The following ANXA4 variants were observed in gnomAD, a reference collection of about 807,000 sequenced individuals.
The protein encoded by ANXA4 is 35-beta calcimedin.
In ANXA4, 39 loss-of-function variants were observed where a neutral mutation model predicts 49.8. That is an observed-to-expected ratio of 0.78 (90% confidence interval 0.61 to 1.02). ANXA4 has a LOEUF of 1.02. Ranked by LOEUF, ANXA4 falls within the 50% of genes least tolerant of loss-of-function variation. The pLI is 0.00. For synonymous variants in ANXA4, 134 were observed against 152.5 expected (o/e 0.88, Z 0.89); for missense variants, 360 against 410.1 (o/e 0.88, Z 1.05).
At chr2:69,645,234 G>A (rs548018306) in intron 1 of ANXA4, among the ~76,000 whole-genome samples, 17 of 152,334 alleles carry the variant, frequency 1.1e-4, no homozygotes, top group Admixed American at 2.6e-4. Flanking sequence ...GTTTCAAGTA[G>A]TGCCATTGTA....
At chr2:69,686,994 G>C (rs544651128) in intron 2 of ANXA4, among the ~76,000 whole-genome samples, 3 of 152,242 alleles carry the variant, frequency 2.0e-5, no homozygotes, top group African/African-American at 7.2e-5. Context: ...TCAGAGCAGA[G>C]GATGGCAGAG....
intron 2 of ANXA4, among the ~76,000 whole-genome samples, chr2:69,782,247 A>G (rs1672229778): frequency 6.6e-6 from 1 of 152,158 alleles, no homozygotes; most frequent in Non-Finnish European, 1.5e-5. Context: ...GCAATAATAG[A>G]AGTAGAAATC....
intron 12 of ANXA4, among the ~76,000 whole-genome samples, chr2:69,821,144 G>C (rs955385458): frequency 2.0e-5 from 3 of 152,198 alleles, no homozygotes; most frequent in Non-Finnish European, 4.4e-5. Flanking sequence ...CAGAGTCCTA[G>C]GCAGGGGCCA....
At chr2:69,793,473 A>G (rs1000738476) in intron 3 of ANXA4, among the ~76,000 whole-genome samples, 9 of 152,122 alleles carry the variant, frequency 5.9e-5, no homozygotes, top group Admixed American at 6.5e-5. Flanking sequence ...TTCTTAGGCC[A>G]ATTAATTAGA....
chr2:69,661,018 G>A (rs4337497), intron 2 of ANXA4, among the ~76,000 whole-genome samples: 2 of 151,798 alleles, frequency 1.3e-5, no homozygotes, highest in Non-Finnish European at 2.9e-5. Context: ...ACATACAGAC[G>A]GACTTAAGAA....
chr2:69,790,196 A>C (rs188570342), intron 3 of ANXA4, among the ~76,000 whole-genome samples: 7 of 152,202 alleles, frequency 4.6e-5, no homozygotes. Context: ...TTTACCCTAA[A>C]TGTCTACCTA....
At chr2:69,776,038 A>G (rs1559176950) in intron 1 of ANXA4, among the ~76,000 whole-genome samples, 1 of 151,546 alleles carries the variant, frequency 6.6e-6, no homozygotes. Flanking sequence ...CAGTGGTGCA[A>G]TCTTGGTTCA....
At chr2:69,665,430 G>A (rs1478429702) in intron 2 of ANXA4, among the ~76,000 whole-genome samples, 5 of 152,098 alleles carry the variant, frequency 3.3e-5, no homozygotes, top group Non-Finnish European at 7.4e-5. Context: ...CCACCTAGCT[G>A]AGTCCAGTCA....
At chr2:69,669,845 A>G (rs1195441234) in intron 2 of ANXA4, among the ~76,000 whole-genome samples, 1 of 152,034 alleles carries the variant, frequency 6.6e-6, no homozygotes, top group Non-Finnish European at 1.5e-5. Flanking sequence ...GGCACATCTA[A>G]TACTTCTCCC....
At chr2:69,660,888 A>G (rs1190345589) in intron 2 of ANXA4, among the ~76,000 whole-genome samples, 1 of 152,018 alleles carries the variant, frequency 6.6e-6, no homozygotes, top group Non-Finnish European at 1.5e-5. Context: ...GAGGGGGAAG[A>G]TGACAATGGC....
intron 1 of ANXA4, among the ~76,000 whole-genome samples, chr2:69,762,494 T>C (rs551693371): frequency 1.3e-5 from 2 of 152,360 alleles, no homozygotes; most frequent in Admixed American, 1.3e-4. Context: ...GTAATGGGCC[T>C]GGTCTAATTC....
rs558239495 is a variant in ANXA4, at chr2:69,763,147, C to T, written c.-46-18373C>T. 1.7e-4 allele frequency among the ~76,000 whole-genome samples: 26 copies of T among 152,198 alleles called. No homozygotes were observed. The South Asian group carries it at 2.9e-3, about 17-fold the overall frequency. Reference sequence around the variant, plus strand: ...CAGTTCTGTTTTTGTGCTCTTCTGCCGGAATCAGCTTGAATTTTGGAAAGA... The same window carrying T: ...CAGTTCTGTTTTTGTGCTCTTCTGCTGGAATCAGCTTGAATTTTGGAAAGA... On this transcript the variant is annotated intron_variant, in intron 1 of 12. Coordinates refer to ENST00000394295, the MANE Select transcript of ANXA4 (RefSeq NM_001153.5).
intron 4 of ANXA4, among the ~76,000 whole-genome samples, chr2:69,805,604 T>TA (rs59230779): frequency 0.14 from 17,796 of 126,274 alleles, 2,889 homozygotes; most frequent in African/African-American, 0.38. Flanking sequence ...AGACTCCATC[T>TA]AAAAAAAAAA....
At chr2:69,657,380 C>G (rs60767119) in intron 2 of ANXA4, among the ~76,000 whole-genome samples, 1,968 of 151,534 alleles carry the variant, frequency 0.013, 42 homozygotes, top group African/African-American at 0.046. Flanking sequence ...TAAATAATTA[C>G]AAAGGATATT....
chr2:69,735,167 A>G (rs1032410554), intron 3 of ANXA4, among the ~76,000 whole-genome samples: 2 of 152,220 alleles, frequency 1.3e-5, no homozygotes, highest in Non-Finnish European at 2.9e-5. Flanking sequence ...TTTATTTTAT[A>G]TTTTAACTGT....
chr2:69,804,457 C>A, intron 3 of ANXA4, 76 bp from the exon 4 acceptor site: 1 of 1,344,752 alleles, frequency 7.4e-7, no homozygotes, highest in Non-Finnish European at 1.0e-6. Flanking sequence ...TGGGTAACTC[C>A]AATGTCCACA....
intron 1 of ANXA4, among the ~76,000 whole-genome samples, chr2:69,746,986 A>C (rs1236773228): frequency 6.6e-6 from 1 of 152,004 alleles, no homozygotes; most frequent in African/African-American, 2.4e-5. Context: ...TGACAGCAAG[A>C]CTCTGTCTCA....
At chr2:69,738,324 T>C (rs1044648337), upstream of ANXA4, among the ~76,000 whole-genome samples, 3 of 152,130 alleles carry the variant, frequency 2.0e-5, 1 homozygote, top group African/African-American at 7.2e-5. Flanking sequence ...AGAAAAGTAT[T>C]CCAAACTCTC....
At chr2:69,798,576 G>T (rs145736810) in intron 3 of ANXA4, among the ~76,000 whole-genome samples, 283 of 152,312 alleles carry the variant, frequency 1.9e-3, no homozygotes, top group African/African-American at 6.3e-3. Context: ...TCTGTGAAAA[G>T]AAACTAGTTT....
Sources: gnomAD v4.1 joint callset for allele counts (sites outside exome capture counted in the v4.1 genomes callset) on GRCh38, gnomAD v4.1.1 for gene constraint, MANE v1.5 for transcripts, NCBI Gene and HGNC (gene_info 2026-07-23, HGNC 2026-07-21) for gene names.